The following ADGRL2 variants were observed in gnomAD, a reference collection of about 807,000 sequenced individuals.
ADGRL2 encodes the protein adhesion G protein-coupled receptor L2, also known as calcium-independent alpha-latrotoxin receptor 2.
A neutral mutation model predicts 157.4 loss-of-function variants in ADGRL2; 44 were observed. The observed-to-expected ratio is 0.28, with a 90% CI of 0.22 to 0.36. ADGRL2 has a LOEUF of 0.36. Among genes scored for constraint, ADGRL2 ranks in the 10% least tolerant of loss-of-function variants. ADGRL2 has a pLI of 1.00. For missense variants in ADGRL2, 1,510 were observed against 1,768.9 expected, an observed-to-expected ratio of 0.85 and a Z score of 2.63; for synonymous variants, 585 against 624.7, an observed-to-expected ratio of 0.94 and a Z score of 0.95.
intron 1 of ADGRL2, among the ~76,000 whole-genome samples, chr1:81,383,118 C>T (rs577421132): frequency 9.9e-5 from 15 of 152,258 alleles, no homozygotes; most frequent in Admixed American, 1.3e-4. Flanking sequence ...TCTTTCCATA[C>T]GCTGCTCCAG....
chr1:81,342,891 C>A (rs867624600), intron 1 of ADGRL2, among the ~76,000 whole-genome samples: 1 of 151,992 alleles, frequency 6.6e-6, no homozygotes, highest in Non-Finnish European at 1.5e-5. Flanking sequence ...TTTATCCCAA[C>A]ACCAGTGTTT....
At chr1:81,502,401 C>T in intron 2 of ADGRL2, 1 of 1,614,096 alleles carries the variant, frequency 6.2e-7, no homozygotes, top group South Asian at 1.1e-5. Flanking sequence ...CGAGATTTTG[C>T]CAAGCTGTAT....
chr1:81,531,748 C>T (rs1316367103), intron 2 of ADGRL2, among the ~76,000 whole-genome samples: 3 of 152,126 alleles, frequency 2.0e-5, no homozygotes, highest in African/African-American at 7.2e-5. Flanking sequence ...CAGGTTAGGG[C>T]TAGGATCGTG....
chr1:81,390,673 C>T (rs1420376225), intron 1 of ADGRL2, among the ~76,000 whole-genome samples: 2 of 152,302 alleles, frequency 1.3e-5, no homozygotes, highest in Non-Finnish European at 2.9e-5. Context: ...GGGAATTATA[C>T]TGTACATTCC....
chr1:81,424,403 G>T (rs1315932713), intron 1 of ADGRL2, among the ~76,000 whole-genome samples: 5 of 152,186 alleles, frequency 3.3e-5, no homozygotes, highest in African/African-American at 1.2e-4. Flanking sequence ...ATGGTATGTG[G>T]TGTAGTCTTA....
At chr1:81,456,230 C>T (rs932721710) in intron 2 of ADGRL2, among the ~76,000 whole-genome samples, 2 of 151,646 alleles carry the variant, frequency 1.3e-5, no homozygotes, top group African/African-American at 4.8e-5. Flanking sequence ...TTCTTCCTTT[C>T]TCTTTTTTTA....
chr1:81,715,257 C>A (rs2084072649), intron 1 of ADGRL2, among the ~76,000 whole-genome samples: 1 of 151,194 alleles, frequency 6.6e-6, no homozygotes, highest in South Asian at 2.1e-4. Flanking sequence ...GAAGAAAAAG[C>A]CACATTTATT....
At chr1:81,320,038 G>C (rs1163328634) in intron 1 of ADGRL2, among the ~76,000 whole-genome samples, 1 of 152,190 alleles carries the variant, frequency 6.6e-6, no homozygotes, top group East Asian at 1.9e-4. Context: ...CCCTGCTGCT[G>C]CTTTATCAAG....
At chr1:81,982,285 A>C (rs745985812) in intron 19 of ADGRL2, among the ~76,000 whole-genome samples, 3 of 152,018 alleles carry the variant, frequency 2.0e-5, no homozygotes, top group Non-Finnish European at 2.9e-5. Context: ...AGGTTAAATA[A>C]AACTCATTCT....
intron 1 of ADGRL2, among the ~76,000 whole-genome samples, chr1:81,357,271 A>G (rs1489551626): frequency 6.6e-6 from 1 of 151,918 alleles, no homozygotes; most frequent in Non-Finnish European, 1.5e-5. Flanking sequence ...AAAAATTAAT[A>G]TTTTGTGATT....
intron 1 of ADGRL2, among the ~76,000 whole-genome samples, chr1:81,407,093 T>A (rs1260910681): frequency 6.6e-6 from 1 of 152,244 alleles, no homozygotes; most frequent in Non-Finnish European, 1.5e-5. Context: ...TCCAGAAATC[T>A]TCATGGAAGA....
chr1:81,629,986 A>G (rs979934848), intron 3 of ADGRL2, among the ~76,000 whole-genome samples: 2 of 152,088 alleles, frequency 1.3e-5, no homozygotes, highest in African/African-American at 4.8e-5. Context: ...GTGTGTGCGT[A>G]CATATCCATA....
At chr1:81,476,063 C>T (rs1426725723) in intron 2 of ADGRL2, among the ~76,000 whole-genome samples, 1 of 151,880 alleles carries the variant, frequency 6.6e-6, no homozygotes, top group Admixed American at 6.6e-5. Flanking sequence ...GAGGAACCTA[C>T]GTCTGAATTT....
At chr1:81,931,811 T>C (rs183082050) in intron 3 of ADGRL2, among the ~76,000 whole-genome samples, 69 of 152,178 alleles carry the variant, frequency 4.5e-4, no homozygotes, top group African/African-American at 1.6e-3. Context: ...TTTTTAAACT[T>C]TTTGTAGAGA....
At chr1:81,928,259 T>G (rs1489435429) in intron 3 of ADGRL2, among the ~76,000 whole-genome samples, 3 of 152,136 alleles carry the variant, frequency 2.0e-5, no homozygotes, top group East Asian at 1.9e-4. Context: ...GTAATCTATT[T>G]CATAAGGGTT....
intron 2 of ADGRL2, among the ~76,000 whole-genome samples, chr1:81,841,768 T>C (rs2092591270): frequency 6.6e-6 from 1 of 152,218 alleles, no homozygotes; most frequent in African/African-American, 2.4e-5. Flanking sequence ...TTCAAGTGCC[T>C]GAACAATGCC....
At chr1:81,933,940 C>T (rs756955602) in intron 3 of ADGRL2, among the ~76,000 whole-genome samples, 26 of 151,930 alleles carry the variant, frequency 1.7e-4, no homozygotes, top group Non-Finnish European at 3.4e-4. Context: ...CCATTTTTCT[C>T]AAGATTAATT....
intron 1 of ADGRL2, among the ~76,000 whole-genome samples, chr1:81,350,275 A>T (rs1662787517): frequency 6.6e-6 from 1 of 152,204 alleles, no homozygotes. Context: ...TGATACAGTG[A>T]TTCACTCTAC....
chr1:81,505,838 C>A (rs1456791663), intron 2 of ADGRL2, among the ~76,000 whole-genome samples: 1 of 151,576 alleles, frequency 6.6e-6, no homozygotes, highest in African/African-American at 2.4e-5. Flanking sequence ...TTTCTGATAT[C>A]CACCTCAGCT....
Sources: gnomAD v4.1 joint callset for allele counts (sites outside exome capture counted in the v4.1 genomes callset) on GRCh38, gnomAD v4.1.1 for gene constraint, MANE v1.5 for transcripts, NCBI Gene and HGNC (gene_info 2026-07-23, HGNC 2026-07-21) for gene names.